MEOX2: variants seen among roughly 807,000 people sequenced by gnomAD.
The protein encoded by MEOX2 is homeobox protein MOX-2.
MEOX2 carries 11 observed loss-of-function variants against 27.0 expected under a neutral mutation model. That is an observed-to-expected ratio of 0.41 (90% CI 0.26 to 0.68). The LOEUF is 0.68. MEOX2 is among the 30% of genes least tolerant of loss of function. The pLI is 0.33. For synonymous variants in MEOX2, 189 were observed against 155.4 expected (o/e 1.22, Z -1.61); for missense variants, 436 against 385.4 (o/e 1.13, Z -1.10).
intron 2 of MEOX2, 143 bp downstream of exon 2, chr7:15,626,603 G>T: frequency 4.0e-6 from 2 of 497,524 alleles, no homozygotes; most frequent in Non-Finnish European, 7.0e-6. Flanking sequence ...TTATTTTGCT[G>T]GCAAAATTTT....
intron 1 of MEOX2, among the ~76,000 whole-genome samples, chr7:15,627,232 A>C (rs952629271): frequency 6.6e-6 from 1 of 152,114 alleles, no homozygotes; most frequent in Non-Finnish European, 1.5e-5. Flanking sequence ...AAACACTTTT[A>C]GATATGAAGT....
At chr7:15,619,329 G>A (rs1345807520) in intron 2 of MEOX2, among the ~76,000 whole-genome samples, 1 of 151,900 alleles carries the variant, frequency 6.6e-6, no homozygotes, top group African/African-American at 2.4e-5. Flanking sequence ...TCTTTCTTTA[G>A]CAGTACACTC....
chr7:15,659,531 C>G (rs892651654), intron 1 of MEOX2, among the ~76,000 whole-genome samples: 14 of 151,886 alleles, frequency 9.2e-5, no homozygotes, highest in African/African-American at 3.4e-4. Flanking sequence ...GAGGCTGAGG[C>G]GGGTGGATCA....
At chr7:15,620,505 G>A (rs145648739) in intron 2 of MEOX2, among the ~76,000 whole-genome samples, 2,804 of 152,074 alleles carry the variant, frequency 0.018, 94 homozygotes, top group African/African-American at 0.064. Context: ...CTCAGGAGGC[G>A]GAGCTTGCAG....
intron 1 of MEOX2, among the ~76,000 whole-genome samples, chr7:15,664,624 C>A (rs974722516): frequency 6.6e-6 from 1 of 152,106 alleles, no homozygotes; most frequent in African/African-American, 2.4e-5. Context: ...AATAAAAATA[C>A]TTCAGGGCTA....
intron 1 of MEOX2, among the ~76,000 whole-genome samples, chr7:15,651,775 AG>A (rs111640626): frequency 0.026 from 3,940 of 152,094 alleles, 169 homozygotes; most frequent in African/African-American, 0.089. Flanking sequence ...AAAAATAAGG[AG>A]GAAAAAATAT....
chr7:15,654,232 G>A (rs1030464542), intron 1 of MEOX2, among the ~76,000 whole-genome samples: 3 of 151,854 alleles, frequency 2.0e-5, no homozygotes, highest in Admixed American at 1.3e-4. Flanking sequence ...ATAAAATTAT[G>A]TAATTTTTGT....
intron 1 of MEOX2, among the ~76,000 whole-genome samples, chr7:15,642,974 TC>T (rs771952416): frequency 3.9e-5 from 6 of 152,204 alleles, no homozygotes; most frequent in Non-Finnish European, 8.8e-5. Flanking sequence ...ACTCACTGTC[TC>T]CTACAAGGAT....
intron 1 of MEOX2, among the ~76,000 whole-genome samples, chr7:15,627,828 T>TACACACACACACACACACACAC (rs578053964): frequency 8.4e-5 from 2 of 23,826 alleles, no homozygotes; most frequent in South Asian, 6.7e-4. Context: ...CACACACACG[T>TACACACACACACACACACACAC]CAAGTAAAAA....
intron 2 of MEOX2, among the ~76,000 whole-genome samples, chr7:15,613,395 C>CA (rs11370680): frequency 0.77 from 115,287 of 148,950 alleles, 44,814 homozygotes; most frequent in East Asian, 0.89. Context: ...GTATTAAAAA[C>CA]AAAAAAAACA....
chr7:15,679,529 G>A (rs1345552130), intron 1 of MEOX2: 1 of 152,014 alleles, frequency 6.6e-6, no homozygotes, highest in Non-Finnish European at 1.5e-5. Flanking sequence ...AAATTTTGAA[G>A]AGCAACAGCT....
chr7:15,679,704 A>G (rs982342451), intron 1 of MEOX2: 2 of 152,062 alleles, frequency 1.3e-5, no homozygotes. Context: ...ATAAATGGAA[A>G]TTTTAAAAAT....
At chr7:15,634,222 T>C (rs901358817) in intron 1 of MEOX2, among the ~76,000 whole-genome samples, 2 of 151,946 alleles carry the variant, frequency 1.3e-5, no homozygotes, top group African/African-American at 2.4e-5. Flanking sequence ...ACATTTTGGA[T>C]TGGATAATTC....
At chr7:15,650,424 A>T (rs1781716912) in intron 1 of MEOX2, among the ~76,000 whole-genome samples, 1 of 151,914 alleles carries the variant, frequency 6.6e-6, no homozygotes, top group African/African-American at 2.4e-5. Context: ...TTTTTTACCT[A>T]CCTTCTAGGT....
chr7:15,655,970 G>A (rs191875999), intron 1 of MEOX2, among the ~76,000 whole-genome samples: 119 of 151,732 alleles, frequency 7.8e-4, no homozygotes, highest in Admixed American at 1.2e-3. Context: ...CTATAATAAT[G>A]GGCTTATCAA....
chr7:15,654,909 G>A (rs1781794557), intron 1 of MEOX2, among the ~76,000 whole-genome samples: 1 of 151,562 alleles, frequency 6.6e-6, no homozygotes, highest in South Asian at 2.1e-4. Context: ...GAAGTAAATT[G>A]GAAAGTACTC....
At chr7:15,677,500 G>C (rs902103880) in intron 1 of MEOX2, 10 of 152,166 alleles carry the variant, frequency 6.6e-5, no homozygotes, top group Admixed American at 1.3e-4. Context: ...TCTGGCTTCG[G>C]ATAGTGTTTG....
At chr7:15,630,753 T>G (rs1781388296) in intron 1 of MEOX2, among the ~76,000 whole-genome samples, 1 of 152,016 alleles carries the variant, frequency 6.6e-6, no homozygotes, top group Admixed American at 6.6e-5. Flanking sequence ...GGCATAGGGA[T>G]TGTGGATGGA....
chr7:15,679,550 GA>G (rs1782259649), intron 1 of MEOX2: 5 of 151,958 alleles, frequency 3.3e-5, no homozygotes, highest in African/African-American at 1.2e-4. Context: ...TTTGAATTTA[GA>G]GCTATAATCA....
Sources: allele counts gnomAD v4.1 joint callset (sites outside exome capture counted in the v4.1 genomes callset), GRCh38; gene constraint gnomAD v4.1.1; transcripts MANE v1.5; gene names NCBI Gene and HGNC (gene_info 2026-07-23, HGNC 2026-07-21).